The following KDM4C variants were observed in gnomAD, a reference collection of about 807,000 sequenced individuals.
KDM4C encodes the protein lysine-specific demethylase 4C.
KDM4C carries 81 observed loss-of-function variants against 129.3 expected under a neutral mutation model. That is an observed-to-expected ratio of 0.63 (90% CI 0.52 to 0.75). KDM4C has a LOEUF of 0.75. KDM4C is among the 30% of genes least tolerant of loss of function. The pLI is 0.00. For synonymous variants in KDM4C, 573 were observed against 456.1 expected, an observed-to-expected ratio of 1.26 and a Z score of -3.26; for missense variants, 1,457 against 1,304.0, an observed-to-expected ratio of 1.12 and a Z score of -1.81.
At chr9:7,130,974 G>T (rs1456922421) in intron 19 of KDM4C, among the ~76,000 whole-genome samples, 4 of 148,498 alleles carry the variant, frequency 2.7e-5, no homozygotes, top group Non-Finnish European at 3.0e-5. Flanking sequence ...GAACTGCGTT[G>T]CCCGGGCTGG....
chr9:6,730,015 C>T lies in KDM4C; in HGVS notation c.49+9018C>T, dbSNP rs558818527. 1.5e-4 allele frequency among the ~76,000 whole-genome samples: 15 copies of T among 103,436 alleles called. 3 individuals carry two copies. Among genetic ancestry groups the T allele is most frequent in the Non-Finnish European group, 2.6e-4 (14 of 54,590 alleles). 67.9% of individuals were successfully genotyped at this position (103,436 alleles called of 152,430 possible). A position where few individuals can be genotyped will look rare whatever the true frequency, so the allele number is the denominator to read the frequency against. On this transcript the variant is annotated intron_variant, in intron 1 of 17. Coordinates refer to the KDM4C transcript ENST00000536108. ...GTCCGAACTACTCTGCAGGCTGAGG[C>T]AGGAGAATCGCTTGAACCCAGGAAA...
chr9:7,107,487 TC>T (rs1564126699), intron 18 of KDM4C, among the ~76,000 whole-genome samples: 1 of 152,246 alleles, frequency 6.6e-6, no homozygotes, highest in East Asian at 1.9e-4. Context: ...CAATGTTTTT[TC>T]CTGGCAAGTT....
At chr9:6,995,252 A>T (rs886317019) in intron 12 of KDM4C, among the ~76,000 whole-genome samples, 1 of 151,950 alleles carries the variant, frequency 6.6e-6, no homozygotes, top group Non-Finnish European at 1.5e-5. Context: ...AAATTTCCTG[A>T]TCTTTGCAGT....
At chr9:6,755,151 C>T (rs144232123), upstream of KDM4C, among the ~76,000 whole-genome samples, 16 of 152,298 alleles carry the variant, frequency 1.1e-4, no homozygotes, top group East Asian at 3.1e-3. Context: ...GTGAGTGGAT[C>T]ACAAGGTCAG....
upstream of KDM4C, chr9:6,757,914 T>A: frequency 1.0e-6 from 1 of 985,396 alleles, no homozygotes; most frequent in Non-Finnish European, 1.2e-6. Context: ...TAAGCCCACG[T>A]GACTCACCAA....
Position 7,060,448 on chromosome 9 carries a change from A to ATTG in KDM4C, c.2424+11254_2424+11256dup, listed in dbSNP as rs1256025618. ...AAATCAGGGATGACTTTTTAGCAGT[A>ATTG]TTGTTGTTATTATTATTATTATTAT... is the stretch of plus-strand genomic sequence containing the variant. On this transcript the variant is annotated intron_variant, in intron 17 of 21. Coordinates refer to ENST00000381309, the MANE Select transcript of KDM4C (RefSeq NM_015061.6). 1.8e-3 allele frequency among the ~76,000 whole-genome samples: 223 copies of ATTG among 123,616 alleles called. 2 individuals are homozygous for ATTG. The highest frequency in any genetic ancestry group is 1.2e-3 in the East Asian group (5 of 4,264). 81.1% of individuals were successfully genotyped at this position (123,616 alleles called of 152,430 possible).
chr9:6,931,245 A>G (rs2131308740), intron 8 of KDM4C, among the ~76,000 whole-genome samples: 1 of 152,194 alleles, frequency 6.6e-6, no homozygotes, highest in Non-Finnish European at 1.5e-5. Context: ...CCATCGCCTG[A>G]CTTATCAGCT....
rs1021966975 is a variant in KDM4C at position 6,877,239 on chromosome 9, C to T, written c.630-2773C>T. 5.3e-5 allele frequency among the ~76,000 whole-genome samples: 8 copies of T among 152,184 alleles called. No homozygotes were observed. In the South Asian group the frequency reaches 6.2e-4, roughly 12 times the overall value. ...TTTTTGAGATGGAGTCTTGCTCTGT[C>T]ACCCAGGCTGGAGTGCAGTGGCGCC... On this transcript the variant is annotated intron_variant, in intron 5 of 21. Transcript: ENST00000381309.
intron 10 of KDM4C, among the ~76,000 whole-genome samples, chr9:6,985,498 T>A (rs1293885085): frequency 1.3e-5 from 2 of 152,222 alleles, no homozygotes; most frequent in Non-Finnish European, 2.9e-5. Flanking sequence ...TGTTGCTGGT[T>A]TACCAAGGAA....
rs1234118598 is a variant in KDM4C, at chr9:6,834,475, C to T, written c.436-15032C>T. 10 of 561,972 alleles carry T rather than the reference C, an allele frequency of 1.8e-5. 1 individual carries two copies. Among genetic ancestry groups the T allele is most frequent in the Admixed American group, 4.5e-5 (2 of 44,910 alleles). The allele number at this position is 561,972 out of a possible 1,614,324, so 34.8% of individuals were successfully genotyped here. On this transcript the variant is annotated intron_variant, in intron 4 of 21. Coordinates refer to ENST00000381309, the MANE Select transcript of KDM4C (RefSeq NM_015061.6). ...CTCACCATAGATGATGATATTGCTA[C>T]GCCCGTCGTCGACAACGGCTCCGGC...
chr9:6,768,368 C>A (rs1423020005), intron 1 of KDM4C, among the ~76,000 whole-genome samples: 1 of 151,064 alleles, frequency 6.6e-6, no homozygotes, highest in Non-Finnish European at 1.5e-5. Context: ...TGCTGGGCTT[C>A]CCTTTTAGGG....
intron 1 of KDM4C, among the ~76,000 whole-genome samples, chr9:6,733,970 G>A (rs1195550820): frequency 3.9e-5 from 6 of 152,146 alleles, no homozygotes; most frequent in Admixed American, 1.3e-4. Flanking sequence ...TTTAGCCGGC[G>A]TCTTTACTGC....
In KDM4C at chr9:6,729,547, AC is replaced by A. The variant is rs1157625851; in HGVS notation, c.49+8551del. ...GGATGACAGAGACCCTGTCTCAAAAACAAAAAAAACAAATCTCCATAACTGA... is the reference window on the plus strand; with the variant it reads ...GGATGACAGAGACCCTGTCTCAAAAAAAAAAAAACAAATCTCCATAACTGA... On this transcript the variant is annotated intron_variant, in intron 1 of 17. Coordinates refer to the KDM4C transcript ENST00000536108. 7.5e-5 allele frequency among the ~76,000 whole-genome samples: 10 copies of A among 133,906 alleles called. 1 individual carries two copies. Among genetic ancestry groups the A allele is most frequent in the Non-Finnish European group, 1.4e-4 (9 of 65,450 alleles). The allele number at this position is 133,906 out of a possible 152,430, so 87.8% of individuals were successfully genotyped here. A position where few individuals can be genotyped will look rare whatever the true frequency, so the allele number is the denominator to read the frequency against.
Position 6,990,470 on chromosome 9 carries a change from C to A in KDM4C, c.1732C>A (p.Pro578Thr). The A allele has an allele frequency of 6.2e-7, 1 of 1,613,294 alleles. No individual in the cohort carries two copies. Among genetic ancestry groups the A allele is most frequent in the Non-Finnish European group, 8.5e-7 (1 of 1,179,848 alleles). The change falls in exon 12 of 22, where the codon CCT becomes ACT. Residue 578 changes from proline (P) to threonine (T), a missense_variant. Pro to Thr is a conservative substitution (Grantham distance 38). Coordinates refer to ENST00000381309, the MANE Select transcript of KDM4C (RefSeq NM_015061.6). ...SKSWRHPLSR[P>T]PARSPMTLVK... The stretch of plus-strand genomic sequence containing the variant: ...GAGTTGGCGCCATCCACTTAGCAGG[C>A]CTCCAGCAAGATCTCCGATGACTCT...
chr9:7,024,931 C>G (rs1452912800), intron 15 of KDM4C, among the ~76,000 whole-genome samples: 4 of 152,200 alleles, frequency 2.6e-5, no homozygotes, highest in Admixed American at 1.3e-4. Flanking sequence ...AGTGGTTGAA[C>G]TAGTTTACAG....
chr9:7,026,208 A>T (rs1457016695), intron 15 of KDM4C, among the ~76,000 whole-genome samples: 1 of 142,690 alleles, frequency 7.0e-6, no homozygotes, highest in African/African-American at 2.6e-5. Context: ...CCATCTCAAG[A>T]AAAAAAAAAA....
intron 17 of KDM4C, among the ~76,000 whole-genome samples, chr9:7,074,789 A>G (rs992101159): frequency 3.9e-5 from 6 of 152,194 alleles, no homozygotes; most frequent in African/African-American, 1.4e-4. Flanking sequence ...GGTATCACTA[A>G]GATAATGAGT....
intron 8 of KDM4C, among the ~76,000 whole-genome samples, chr9:6,916,509 A>G (rs554250553): frequency 6.6e-6 from 1 of 152,170 alleles, no homozygotes; most frequent in South Asian, 2.1e-4. Context: ...ATCCTCCTGC[A>G]TTGGCCTCCC....
intron 18 of KDM4C, among the ~76,000 whole-genome samples, chr9:7,109,472 A>G (rs1340375533): frequency 2.0e-5 from 3 of 152,174 alleles, no homozygotes; most frequent in East Asian, 1.9e-4. Flanking sequence ...TTTCAATCCA[A>G]TTCGTTCCAA....
Sources: gnomAD v4.1 joint callset for allele counts (sites outside exome capture counted in the v4.1 genomes callset) on GRCh38, gnomAD v4.1.1 for gene constraint, MANE v1.5 for transcripts, NCBI Gene and HGNC (gene_info 2026-07-23, HGNC 2026-07-21) for gene names.